The following ANKRD31 variants were observed in gnomAD, a reference collection of about 807,000 sequenced individuals.
ANKRD31 encodes ankyrin repeat domain 31, also known as ankyrin repeat domain-containing protein 31.
A neutral mutation model predicts 186.0 loss-of-function variants in ANKRD31; 147 were observed. The observed-to-expected ratio is 0.79, with a 90% CI of 0.69 to 0.91. The LOEUF is 0.91. Ranked by LOEUF, ANKRD31 falls within the 40% of genes least tolerant of loss-of-function variation. The pLI is 0.00. For synonymous variants in ANKRD31, 673 were observed against 736.4 expected (o/e 0.91, Z 1.39); for missense variants, 1,986 against 2,148.8 (o/e 0.92, Z 1.50).
intron 11 of ANKRD31, among the ~76,000 whole-genome samples, chr5:75,158,351 T>G (rs1464403330): frequency 6.6e-6 from 1 of 152,110 alleles, no homozygotes; most frequent in Non-Finnish European, 1.5e-5. Context: ...GAAAAAAATT[T>G]TGCAAACAGG....
intron 25 of ANKRD31, among the ~76,000 whole-genome samples, chr5:75,076,862 C>A (rs923149916): frequency 6.6e-6 from 1 of 152,128 alleles, no homozygotes; most frequent in African/African-American, 2.4e-5. Flanking sequence ...ACATATCTTT[C>A]TATCATATCA....
intron 10 of ANKRD31, among the ~76,000 whole-genome samples, chr5:75,174,179 T>G (rs1045315659): frequency 6.6e-6 from 1 of 152,162 alleles, no homozygotes; most frequent in Admixed American, 6.5e-5. Flanking sequence ...TAGCCATATA[T>G]AGAAAGCTGA....
chr5:75,106,745 G>A (rs2150061811), intron 21 of ANKRD31, among the ~76,000 whole-genome samples: 1 of 152,056 alleles, frequency 6.6e-6, no homozygotes, highest in Middle Eastern at 3.4e-3. Flanking sequence ...TAAGCTCACT[G>A]CTTTATATTG....
intron 11 of ANKRD31, among the ~76,000 whole-genome samples, chr5:75,158,472 T>C (rs1423716701): frequency 6.6e-6 from 1 of 152,138 alleles, no homozygotes; most frequent in Non-Finnish European, 1.5e-5. Flanking sequence ...GTTGCTATAA[T>C]ACATTATCTT....
At chr5:75,171,599 G>T (rs1184504222) in intron 10 of ANKRD31, among the ~76,000 whole-genome samples, 2 of 150,070 alleles carry the variant, frequency 1.3e-5, no homozygotes, top group South Asian at 2.1e-4. Context: ...GGCAGAAAAA[G>T]AACAGAAATC....
chr5:75,107,474 A>C, intron 21 of ANKRD31, 47 bp downstream of exon 21: 1 of 1,305,494 alleles, frequency 7.7e-7, no homozygotes, highest in South Asian at 1.4e-5. Context: ...AAAATGGATA[A>C]ATTCTAGAAA....
rs79211687 is a variant in ANKRD31 at position 75,081,753 on chromosome 5, G to A, written c.5576-1114C>T. Among the ~76,000 whole-genome samples the A allele has an allele frequency of 9.4e-3, 1,362 of 144,144 alleles. 16 individuals carry two copies. The highest frequency in any genetic ancestry group is 0.062 in the East Asian group (319 of 5,158). The allele number at this position is 144,144 out of a possible 152,430, so 94.6% of individuals were successfully genotyped here. ...GAGAGAGAGAAAGGGATGGAGCAAC[G>A]GGGGCGGAGAGAGAGAGAGAGGATA... On this transcript the variant is annotated intron_variant, in intron 24 of 25. Transcript: ENST00000506364.
chr5:75,069,809 G>A (rs1443987385), intron 25 of ANKRD31, among the ~76,000 whole-genome samples: 3 of 152,284 alleles, frequency 2.0e-5, no homozygotes, highest in East Asian at 3.9e-4. Flanking sequence ...GCCTCCCAAA[G>A]TGCAATGAGA....
At chr5:75,078,949 G>C (rs977264489) in intron 25 of ANKRD31, among the ~76,000 whole-genome samples, 2 of 152,190 alleles carry the variant, frequency 1.3e-5, no homozygotes, top group African/African-American at 4.8e-5. Flanking sequence ...AAAAGGACTT[G>C]TAGAGATCAT....
chr5:75,159,395 C>A (rs76665579), intron 11 of ANKRD31, among the ~76,000 whole-genome samples: 1,851 of 152,016 alleles, frequency 0.012, 23 homozygotes, highest in South Asian at 0.034. Context: ...GCACAACATA[C>A]TCCAAAAAAG....
At chr5:75,094,064 C>A (rs1746134692) in intron 22 of ANKRD31, among the ~76,000 whole-genome samples, 1 of 152,070 alleles carries the variant, frequency 6.6e-6, no homozygotes, top group African/African-American at 2.4e-5. Context: ...TTATAAAAAA[C>A]AATAGATACA....
At chr5:75,213,324 T>C (rs994986700) in intron 3 of ANKRD31, among the ~76,000 whole-genome samples, 1 of 152,256 alleles carries the variant, frequency 6.6e-6, no homozygotes, top group South Asian at 2.1e-4. Flanking sequence ...TGAGGACTAA[T>C]TATTCACTTG....
intron 22 of ANKRD31, among the ~76,000 whole-genome samples, chr5:75,095,198 G>A (rs1180205129): frequency 2.6e-5 from 4 of 152,170 alleles, no homozygotes; most frequent in African/African-American, 9.6e-5. Context: ...GGCCGGGCAT[G>A]GTGGCTCATG....
At chr5:75,155,715 A>C (rs1752119599) in intron 11 of ANKRD31, among the ~76,000 whole-genome samples, 1 of 152,174 alleles carries the variant, frequency 6.6e-6, no homozygotes, top group South Asian at 2.1e-4. Flanking sequence ...ATAAATTTCT[A>C]TCCAGTGTAT....
chr5:75,193,311 C>G lies in ANKRD31; in HGVS notation c.1298G>C (p.Arg433Thr). The G allele has an allele frequency of 1.3e-6, 2 of 1,535,026 alleles. No individual in the cohort carries two copies. Among genetic ancestry groups the G allele is most frequent in the Admixed American group, 2.0e-5 (1 of 50,868 alleles). The change falls in exon 8 of 26, where the codon AGA becomes ACA. Residue 433 changes from arginine to threonine, a missense_variant and splice_region_variant. By Grantham distance (71) the Arg-to-Thr change is moderately conservative. Coordinates refer to ENST00000506364, the MANE Select transcript of ANKRD31 (RefSeq NM_001372053.1). ...TNNNSSAQNF[R>T]MQDPALMIDG... is the part of the protein sequence containing the mutation. ...ATAAAGACATAATTTCATTGCATAC[C>G]TGAAATTCTGAGCTGAAGAGTTATT...
At chr5:75,148,723 G>A in intron 12 of ANKRD31, 95 bp from the exon 13 acceptor site, 2 of 784,638 alleles carry the variant, frequency 2.5e-6, no homozygotes, top group Admixed American at 6.6e-5. Context: ...AGAAAACCAA[G>A]TGGAATAAGT....
intron 11 of ANKRD31, among the ~76,000 whole-genome samples, chr5:75,160,034 G>A (rs1752465745): frequency 6.6e-6 from 1 of 151,998 alleles, no homozygotes; most frequent in South Asian, 2.1e-4. Flanking sequence ...CATGCACAGA[G>A]CCAGAAATGT....
At chr5:75,168,463 T>G (rs1293086534) in intron 11 of ANKRD31, among the ~76,000 whole-genome samples, 1 of 152,204 alleles carries the variant, frequency 6.6e-6, no homozygotes, top group Non-Finnish European at 1.5e-5. Flanking sequence ...AATCTTAATG[T>G]TACCATTTAT....
chr5:75,233,118 A>G (rs1205501676), intron 1 of ANKRD31, among the ~76,000 whole-genome samples: 1 of 149,566 alleles, frequency 6.7e-6, no homozygotes, highest in Non-Finnish European at 1.5e-5. Context: ...GCTGGAGTGC[A>G]GTGATATAAT....
Sources: gnomAD v4.1 joint callset for allele counts (sites outside exome capture counted in the v4.1 genomes callset) on GRCh38, gnomAD v4.1.1 for gene constraint, MANE v1.5 for transcripts, NCBI Gene and HGNC (gene_info 2026-07-23, HGNC 2026-07-21) for gene names.